PTDSS1: variants seen among roughly 807,000 people sequenced by gnomAD.
PTDSS1 encodes the protein phosphatidylserine synthase 1.
In PTDSS1, 45 loss-of-function variants were observed where a neutral mutation model predicts 70.5. That is an observed-to-expected ratio of 0.64 (90% CI 0.50 to 0.82). The LOEUF (loss-of-function observed/expected upper bound fraction) is 0.82, where lower values mean the gene tolerates loss of function less well. Among genes scored for constraint, PTDSS1 ranks in the 40% least tolerant of loss-of-function variants. The pLI, the probability that PTDSS1 is intolerant of heterozygous loss-of-function variation, is 0.00. For missense variants in PTDSS1, 417 were observed against 586.1 expected (o/e 0.71, Z 2.98); for synonymous variants, 188 against 203.8 (o/e 0.92, Z 0.66).
chr8:96,304,035 T>C lies in PTDSS1; in HGVS notation c.753-5T>C, dbSNP rs1586199200. 6.2e-7 allele frequency: 1 copy of C among 1,603,242 alleles called. No homozygotes were observed. The highest frequency in any genetic ancestry group is 2.2e-5 in the East Asian group (1 of 44,726). ...ATTTTCACTGGAGCCATTCTCTTCT[T>C]ACAGGGACATTCATACCACCACCGG... On this transcript the variant is annotated splice_polypyrimidine_tract_variant and splice_region_variant and intron_variant, in intron 6 of 12. Coordinates refer to ENST00000517309, the MANE Select transcript of PTDSS1 (RefSeq NM_014754.3).
intron 1 of PTDSS1, among the ~76,000 whole-genome samples, chr8:96,265,549 G>A (rs1810473961): frequency 6.6e-6 from 1 of 152,002 alleles, no homozygotes; most frequent in African/African-American, 2.4e-5. Context: ...CTCATTTCCA[G>A]CCTGGACAAC....
chr8:96,317,186 A>T (rs531052871), intron 9 of PTDSS1, among the ~76,000 whole-genome samples: 14 of 152,018 alleles, frequency 9.2e-5, no homozygotes, highest in African/African-American at 2.9e-4. Flanking sequence ...GTGGCCTTCC[A>T]GGTCCATGTT....
At chr8:96,299,667 C>A in intron 5 of PTDSS1, 27 bp from the exon 6 acceptor site, 2 of 1,567,078 alleles carry the variant, frequency 1.3e-6, no homozygotes, top group Non-Finnish European at 8.6e-7. Context: ...GTTTATTTTT[C>A]CAACCATGGG....
chr8:96,318,798 T>G (rs3104154), intron 9 of PTDSS1, among the ~76,000 whole-genome samples: 1 of 152,160 alleles, frequency 6.6e-6, no homozygotes, highest in Non-Finnish European at 1.5e-5. Context: ...TCCAGGCATT[T>G]AGACCTTCAG....
At chr8:96,269,952 G>A (rs762244867) in intron 1 of PTDSS1, among the ~76,000 whole-genome samples, 1 of 152,196 alleles carries the variant, frequency 6.6e-6, no homozygotes, top group Non-Finnish European at 1.5e-5. Flanking sequence ...GCCAGGCACT[G>A]TTTTAAGTGC....
At chr8:96,301,664 C>T (rs1288779406) in intron 6 of PTDSS1, among the ~76,000 whole-genome samples, 1 of 151,812 alleles carries the variant, frequency 6.6e-6, no homozygotes, top group Admixed American at 6.6e-5. Flanking sequence ...GGATTAGCCA[C>T]CACGCCCGGC....
chr8:96,299,923 A>G (rs768915542), intron 6 of PTDSS1, 78 bp downstream of exon 6: 115 of 1,474,848 alleles, frequency 7.8e-5, no homozygotes, highest in Non-Finnish European at 9.4e-5. Flanking sequence ...AATCCATTTT[A>G]GTATGATCTT....
intron 10 of PTDSS1, among the ~76,000 whole-genome samples, chr8:96,321,298 T>C (rs1811369620): frequency 6.6e-6 from 1 of 152,236 alleles, no homozygotes; most frequent in Non-Finnish European, 1.5e-5. Context: ...GCAACCACCC[T>C]ACCATTATCA....
chr8:96,284,235 T>G (rs1450617968), intron 3 of PTDSS1, 82 bp downstream of exon 3: 2 of 1,257,470 alleles, frequency 1.6e-6, no homozygotes, highest in Non-Finnish European at 2.3e-6. Context: ...TTTTACTTGC[T>G]ACTCTCAATA....
intron 9 of PTDSS1, among the ~76,000 whole-genome samples, chr8:96,311,112 C>T (rs1811206104): frequency 6.6e-6 from 1 of 152,156 alleles, no homozygotes; most frequent in African/African-American, 2.4e-5. Context: ...AGAAAGAGAC[C>T]TTAGGTTATC....
In PTDSS1 at chr8:96,303,933, C is replaced by A. The variant is rs114797543; in HGVS notation, c.753-107C>A. 2.2e-5 allele frequency: 27 copies of A among 1,240,192 alleles called. No homozygotes were observed. The Middle Eastern group carries it at 5.9e-4, about 27-fold the overall frequency. 76.8% of individuals were successfully genotyped at this position (1,240,192 alleles called of 1,614,324 possible). On this transcript the variant is annotated intron_variant, in intron 6 of 12. Transcript: ENST00000517309. ...TCAAATAAAAAGCAGTCTCTTTGTC[C>A]TGAGCATTTATTATAAAAATCATCA...
chr8:96,302,003 A>G (rs75389920), intron 6 of PTDSS1, among the ~76,000 whole-genome samples: 1,706 of 151,998 alleles, frequency 0.011, 33 homozygotes, highest in African/African-American at 0.039. Flanking sequence ...AATATATTTA[A>G]TTTTAATTCT....
In PTDSS1 at chr8:96,283,863, A is replaced by C. The variant is rs111554457; in HGVS notation, c.272-246A>C. 140 of 439,694 alleles carry C rather than the reference A, an allele frequency of 3.2e-4. 1 individual carries two copies. Among genetic ancestry groups the C allele is most frequent in the Middle Eastern group, 2.4e-3 (4 of 1,648 alleles). The allele number at this position is 439,694 out of a possible 1,614,324, so 27.2% of individuals were successfully genotyped here. The stretch of plus-strand genomic sequence containing the variant: ...ATTATGTTCTGACTTCTCAAGACAA[A>C]GCTTTATAAAAAATCTCTGTTGTGG... On this transcript the variant is annotated intron_variant, in intron 2 of 12. Coordinates refer to ENST00000517309, the MANE Select transcript of PTDSS1 (RefSeq NM_014754.3).
chr8:96,286,692 G>A (rs1372072475), intron 3 of PTDSS1, among the ~76,000 whole-genome samples: 2 of 151,982 alleles, frequency 1.3e-5, no homozygotes, highest in African/African-American at 2.4e-5. Flanking sequence ...TTCTCTTTTC[G>A]GAAACCGACC....
At chr8:96,263,012 C>T (rs1452407007) in intron 1 of PTDSS1, among the ~76,000 whole-genome samples, 1 of 152,192 alleles carries the variant, frequency 6.6e-6, no homozygotes, top group Non-Finnish European at 1.5e-5. Context: ...ACCTAACATA[C>T]GTGCTGAAAT....
chr8:96,312,627 G>C (rs771827288), intron 9 of PTDSS1, among the ~76,000 whole-genome samples: 5 of 152,114 alleles, frequency 3.3e-5, no homozygotes, highest in Non-Finnish European at 5.9e-5. Context: ...GAGAACTCCC[G>C]GAACAGTGTG....
intron 2 of PTDSS1, 130 bp from the exon 3 acceptor site, chr8:96,283,979 A>G (rs1810784563): frequency 3.1e-6 from 2 of 644,232 alleles, no homozygotes; most frequent in East Asian, 3.1e-5. Flanking sequence ...TTTATGTAGA[A>G]AAAAAAAAAA....
intron 11 of PTDSS1, 118 bp from the exon 12 acceptor site, chr8:96,330,908 T>G: frequency 1.3e-6 from 1 of 792,382 alleles, no homozygotes. Context: ...GTTCTGTCAC[T>G]TGCCAGTGAT....
chr8:96,333,819 T>A lies in PTDSS1; in HGVS notation c.*253T>A, dbSNP rs752854950. 1 of 689,482 alleles carries A rather than the reference T, an allele frequency of 1.5e-6. No homozygotes were observed. Among genetic ancestry groups the A allele is most frequent in the Non-Finnish European group, 2.6e-6 (1 of 379,620 alleles). The allele number at this position is 689,482 out of a possible 1,614,324, so 42.7% of individuals were successfully genotyped here. A position where few individuals can be genotyped will look rare whatever the true frequency, so the allele number is the denominator to read the frequency against. On this transcript the variant is annotated 3_prime_UTR_variant, in exon 13 of 13. Transcript: ENST00000517309. ...TCAGCACTTGACATGCGGTCACCGG[T>A]GGCAGCGCGGTGTGTTGAAGGGAAA...
Sources: allele counts gnomAD v4.1 joint callset (sites outside exome capture counted in the v4.1 genomes callset), GRCh38; gene constraint gnomAD v4.1.1; transcripts MANE v1.5; gene names NCBI Gene and HGNC (gene_info 2026-07-23, HGNC 2026-07-21).